The following PIP4P2 variants were observed in gnomAD, a reference collection of about 807,000 sequenced individuals.
PIP4P2 encodes the protein type 2 phosphatidylinositol 4,5-bisphosphate 4-phosphatase.
In PIP4P2, 19 loss-of-function variants were observed where a neutral mutation model predicts 33.3. The observed-to-expected ratio is 0.57, with a 90% CI of 0.40 to 0.84. PIP4P2 has a LOEUF of 0.84. PIP4P2 is among the 40% of genes least tolerant of loss of function. PIP4P2 has a pLI of 0.00. For missense variants in PIP4P2, 270 were observed against 324.7 expected, an observed-to-expected ratio of 0.83 and a Z score of 1.29; for synonymous variants, 110 against 111.9, an observed-to-expected ratio of 0.98 and a Z score of 0.11.
intron 1 of PIP4P2, among the ~76,000 whole-genome samples, chr8:91,026,425 A>G (rs1036854952): frequency 3.9e-5 from 6 of 152,132 alleles, no homozygotes; most frequent in African/African-American, 7.2e-5. Context: ...TCTAGAGTTC[A>G]GAGACACCAG....
chr8:91,005,186 C>A (rs1281059559), intron 5 of PIP4P2, among the ~76,000 whole-genome samples: 3 of 152,154 alleles, frequency 2.0e-5, no homozygotes, highest in South Asian at 2.1e-4. Flanking sequence ...CTAGATCCTG[C>A]ATGTCCTGTC....
rs146824606 is a variant in PIP4P2 at position 91,027,788 on chromosome 8, G to A, written c.107-6384C>T. On this transcript the variant is annotated intron_variant, in intron 1 of 6. Transcript: ENST00000285419. ...ATATCCCTAGAATAATGCAGAAAAC[G>A]CAATCAAAGGTATACAGAGTTAGGA... is the stretch of plus-strand genomic sequence containing the variant. Among the ~76,000 whole-genome samples, 22 of 152,230 alleles carry A rather than the reference G, an allele frequency of 1.4e-4. No individual in the cohort carries two copies. The East Asian group carries it at 3.9e-3, about 27-fold the overall frequency.
intron 5 of PIP4P2, among the ~76,000 whole-genome samples, chr8:91,003,707 T>C (rs1376990494): frequency 6.6e-6 from 1 of 152,068 alleles, no homozygotes; most frequent in Non-Finnish European, 1.5e-5. Context: ...TCTGGGGTCA[T>C]TTAATGGCAT....
intron 1 of PIP4P2, among the ~76,000 whole-genome samples, chr8:91,038,694 C>T (rs1812265796): frequency 6.6e-6 from 1 of 152,114 alleles, no homozygotes; most frequent in Non-Finnish European, 1.5e-5. Flanking sequence ...ATGTTTGTTA[C>T]TTATGAAGAA....
chr8:91,025,105 AGCAAACATCTGATAAT>A (rs1157561546), intron 1 of PIP4P2, among the ~76,000 whole-genome samples: 1 of 152,060 alleles, frequency 6.6e-6, no homozygotes, highest in Non-Finnish European at 1.5e-5. Context: ...TCTAGGAACA[AGCAAACATCTGATAAT>A]GTAGATTTCT....
intron 5 of PIP4P2, among the ~76,000 whole-genome samples, chr8:90,998,378 C>G (rs1038700279): frequency 6.6e-6 from 1 of 151,974 alleles, no homozygotes; most frequent in African/African-American, 2.4e-5. Context: ...ATTAAATAGT[C>G]ACTACATCTG....
intron 2 of PIP4P2, 114 bp from the exon 3 acceptor site, chr8:91,020,377 T>C (rs535354809): frequency 2.2e-6 from 2 of 920,536 alleles, no homozygotes; most frequent in South Asian, 3.0e-5. Flanking sequence ...TATATTGCTT[T>C]TGTAACTTAA....
chr8:91,011,561 T>C (rs1811837699), intron 4 of PIP4P2, among the ~76,000 whole-genome samples: 1 of 152,070 alleles, frequency 6.6e-6, no homozygotes, highest in South Asian at 2.1e-4. Context: ...CAATGGTATA[T>C]GCTAAAACTG....
chr8:91,040,498 T>A, intron 1 of PIP4P2, 146 bp downstream of exon 1: 3 of 875,082 alleles, frequency 3.4e-6, no homozygotes, highest in Non-Finnish European at 5.3e-6. Context: ...CGGGCTTGCC[T>A]GGGAAGGCAC....
rs1812221370 is a variant in PIP4P2, at chr8:91,035,466, AC to A, written c.106+5177del. Among the ~76,000 whole-genome samples the A allele has an allele frequency of 1.3e-5, 2 of 152,148 alleles. 1 individual carries two copies. Among genetic ancestry groups the A allele is most frequent in the Admixed American group, 1.3e-4 (2 of 15,272 alleles). ...CCTTACCATCTTTGCTCTTTCTTAA[AC>A]TTTTGCATGAAGACTCCTTTCTTGA... is the stretch of plus-strand genomic sequence containing the variant. On this transcript the variant is annotated intron_variant, in intron 1 of 6. Transcript: ENST00000285419.
chr8:91,013,725 G>C (rs1421402067), intron 4 of PIP4P2, among the ~76,000 whole-genome samples: 1 of 152,020 alleles, frequency 6.6e-6, no homozygotes, highest in Non-Finnish European at 1.5e-5. Flanking sequence ...TTGTAGAGGT[G>C]AGGTCTCTAT....
intron 5 of PIP4P2, among the ~76,000 whole-genome samples, chr8:90,997,975 T>C (rs73694353): frequency 0.034 from 5,237 of 152,180 alleles, 293 homozygotes; most frequent in African/African-American, 0.12. Flanking sequence ...CACAAACATC[T>C]GGATGACCTG....
intron 5 of PIP4P2, among the ~76,000 whole-genome samples, chr8:90,998,942 G>A (rs1811664969): frequency 6.6e-6 from 1 of 151,948 alleles, no homozygotes; most frequent in Non-Finnish European, 1.5e-5. Flanking sequence ...TTAAACTAAA[G>A]AGCTTTTGCA....
chr8:91,019,031 T>C (rs905722117), intron 3 of PIP4P2, among the ~76,000 whole-genome samples: 1 of 152,198 alleles, frequency 6.6e-6, no homozygotes, highest in South Asian at 2.1e-4. Context: ...TGGATAGGGC[T>C]GTACATGATT....
chr8:91,030,065 A>C (rs1466194226), intron 1 of PIP4P2, among the ~76,000 whole-genome samples: 1 of 152,230 alleles, frequency 6.6e-6, no homozygotes, highest in African/African-American at 2.4e-5. Context: ...AAAAGACTGC[A>C]TGAAAGAAAG....
intron 3 of PIP4P2, among the ~76,000 whole-genome samples, chr8:91,019,482 A>G (rs1811972353): frequency 6.8e-6 from 1 of 147,660 alleles, no homozygotes; most frequent in Non-Finnish European, 1.5e-5. Context: ...GGAGGAGGCT[A>G]TAGTGGGAAG....
At position 91,010,565 on chromosome 8, in the gene PIP4P2, A is replaced by G. The variant is rs149622501; in HGVS notation, c.487-1770T>C. On this transcript the variant is annotated intron_variant, in intron 4 of 6. Transcript: ENST00000285419. ...TAATGTATTACATTGCCAGCAACCT[A>G]CCACATCTGGTTTTGTTGTTATCTG... Among the ~76,000 whole-genome samples the G allele has an allele frequency of 5.6e-3, 853 of 152,010 alleles. 3 individuals carry two copies. The highest frequency in any genetic ancestry group is 9.2e-3 in the Non-Finnish European group (627 of 67,816).
chr8:91,028,774 T>C (rs963450510), intron 1 of PIP4P2, among the ~76,000 whole-genome samples: 6 of 152,312 alleles, frequency 3.9e-5, no homozygotes, highest in Middle Eastern at 3.4e-3. Context: ...GTGATACCCA[T>C]CACATCTTCA....
intron 4 of PIP4P2, among the ~76,000 whole-genome samples, chr8:91,014,231 G>T (rs1439291383): frequency 6.6e-6 from 1 of 152,096 alleles, no homozygotes; most frequent in East Asian, 1.9e-4. Flanking sequence ...GAAAGACCCA[G>T]AATAGACCCT....
Sources: gnomAD v4.1 joint callset for allele counts (sites outside exome capture counted in the v4.1 genomes callset) on GRCh38, gnomAD v4.1.1 for gene constraint, MANE v1.5 for transcripts, NCBI Gene and HGNC (gene_info 2026-07-23, HGNC 2026-07-21) for gene names.